The following HDGFL2 variants were observed in gnomAD, a reference collection of about 807,000 sequenced individuals.
The protein encoded by HDGFL2 is HDGF like 2, also known as hepatoma-derived growth factor-related protein 2.
HDGFL2 carries 36 observed loss-of-function variants against 77.1 expected under a neutral mutation model. That is an observed-to-expected ratio of 0.47 (90% confidence interval 0.36 to 0.62). HDGFL2 has a LOEUF of 0.62. Ranked by LOEUF, HDGFL2 falls within the 20% of genes least tolerant of loss-of-function variation. The probability of loss-of-function intolerance (pLI) is 0.00; values close to 1 mark genes in which losing one functional copy is unlikely to be tolerated. For missense variants in HDGFL2, 976 were observed against 973.4 expected, an observed-to-expected ratio of 1.00 and a Z score of -0.04; for synonymous variants, 463 against 413.1, an observed-to-expected ratio of 1.12 and a Z score of -1.46.
intron 9 of HDGFL2, 113 bp downstream of exon 9, chr19:4,494,588 G>A (rs1975652431): frequency 2.5e-6 from 2 of 792,720 alleles, no homozygotes; most frequent in East Asian, 6.8e-5. Flanking sequence ...AGCAGTGCGT[G>A]GGCCCAGAAA....
At chr19:4,473,241 G>A (rs976016923) in intron 1 of HDGFL2, among the ~76,000 whole-genome samples, 2 of 145,530 alleles carry the variant, frequency 1.4e-5, no homozygotes, top group African/African-American at 5.1e-5. Context: ...AAGGAGCTGC[G>A]GCGCCAATGG....
At chr19:4,487,328 C>T (rs1261038274) in intron 3 of HDGFL2, among the ~76,000 whole-genome samples, 1 of 152,012 alleles carries the variant, frequency 6.6e-6, no homozygotes, top group Admixed American at 6.6e-5. Flanking sequence ...GTGATCATAG[C>T]TCACTGAAAC....
At chr19:4,493,592 G>A in intron 6 of HDGFL2, 111 bp from the exon 7 acceptor site, 1 of 1,264,548 alleles carries the variant, frequency 7.9e-7, no homozygotes, top group Non-Finnish European at 1.0e-6. Flanking sequence ...CCTGAGCCGA[G>A]GCCCGCAGAG....
chr19:4,490,206 G>A (rs536066898), intron 4 of HDGFL2, among the ~76,000 whole-genome samples: 1 of 152,290 alleles, frequency 6.6e-6, no homozygotes, highest in East Asian at 1.9e-4. Flanking sequence ...TTTTGCCTCA[G>A]CCTCCTGAGT....
intron 7 of HDGFL2, 57 bp downstream of exon 7, chr19:4,493,919 G>T: frequency 6.5e-7 from 1 of 1,540,260 alleles, no homozygotes; most frequent in South Asian, 1.2e-5. Context: ...GCGCTCCCAG[G>T]CAGTCCCCTG....
chr19:4,502,130 TG>T lies in HDGFL2; in HGVS notation c.*123del, dbSNP rs1215610914. On this transcript the variant is annotated 3_prime_UTR_variant, in exon 16 of 16. Transcript: ENST00000616600. ...GCTGTGCTGTTTGTATTTGTTCCCT[TG>T]GGTTTTTTTTTCCTGCCTAATTTCT... 1.3e-6 allele frequency: 1 copy of T among 777,044 alleles called. No homozygotes were observed. Among genetic ancestry groups the T allele is most frequent in the Non-Finnish European group, 2.2e-6 (1 of 458,486 alleles). 48.1% of individuals were successfully genotyped at this position (777,044 alleles called of 1,614,324 possible).
chr19:4,491,758 C>T lies in HDGFL2; in HGVS notation c.607-6C>T. On this transcript the variant is annotated splice_region_variant and splice_polypyrimidine_tract_variant and intron_variant, in intron 5 of 15. Transcript: ENST00000616600. ...GGCCCCAGTTCAGCTCACTTCTCTC[C>T]CCCAGGACTTCACACCTGAGAAGAA... The T allele has an allele frequency of 6.2e-7, 1 of 1,613,994 alleles. No homozygotes were observed. Among genetic ancestry groups the T allele is most frequent in the East Asian group, 2.2e-5 (1 of 44,874 alleles).
intron 8 of HDGFL2, 32 bp downstream of exon 8, chr19:4,494,089 G>A (rs982850525): frequency 1.9e-6 from 3 of 1,549,916 alleles, no homozygotes; most frequent in African/African-American, 2.7e-5. Flanking sequence ...CCCTCTGGCG[G>A]CTCCTCCATC....
chr19:4,487,882 A>G (rs1975402692), intron 3 of HDGFL2, among the ~76,000 whole-genome samples: 1 of 151,680 alleles, frequency 6.6e-6, no homozygotes, highest in African/African-American at 2.4e-5. Context: ...CAGTGCCTGG[A>G]TGGTAGAAGC....
chr19:4,488,772 A>G lies in HDGFL2; in HGVS notation c.385A>G (p.Thr129Ala), dbSNP rs1975428636. The G allele has an allele frequency of 6.4e-7, 1 of 1,552,204 alleles. No individual in the cohort carries two copies. The highest frequency in any genetic ancestry group is 1.4e-5 in the African/African-American group (1 of 73,140). The change falls in exon 4 of 16, where the codon ACA becomes GCA. Residue 129 changes from threonine (T) to alanine (A), a missense_variant. Thr to Ala is a moderately conservative substitution (Grantham distance 58). This residue lies in a region of HDGFL2 where 567 missense variants were observed against 534.7 expected (regional missense o/e 1.06). Transcript: ENST00000616600. ...DDEDRGVMAV[T>A]AVTATAASDR... ...TGAGGACCGGGGGGTCATGGCCGTC[A>G]CAGCGGTAACCGCCACAGCTGCCAG...
intron 1 of HDGFL2, chr19:4,474,778 G>T: frequency 6.1e-6 from 1 of 162,992 alleles, no homozygotes; most frequent in Non-Finnish European, 1.3e-5. Context: ...CTCCTGTGGG[G>T]AGGTGACTGA....
chr19:4,484,438 AAG>A (rs1975306769), intron 3 of HDGFL2, among the ~76,000 whole-genome samples: 1 of 151,830 alleles, frequency 6.6e-6, no homozygotes, highest in South Asian at 2.1e-4. Context: ...TTAATCATTT[AAG>A]AGTATACCGT....
Position 4,502,205 on chromosome 19 carries a change from A to G in HDGFL2, c.*195A>G, listed in dbSNP as rs574669437. On this transcript the variant is annotated 3_prime_UTR_variant, in exon 16 of 16. Transcript: ENST00000616600. ...GACTATAAATGGTTTTTTAATGAAA[A>G]AAGAAATCACTTTTATTGGCTTGGT... The G allele has an allele frequency of 1.5e-6, 1 of 670,818 alleles. No homozygotes were observed. Among genetic ancestry groups the G allele is most frequent in the South Asian group, 1.6e-5 (1 of 61,344 alleles). 41.6% of individuals were successfully genotyped at this position (670,818 alleles called of 1,614,324 possible).
In HDGFL2 at chr19:4,494,381, A is replaced by T; in HGVS notation, c.1130A>T (p.Asp377Val). 1 of 1,401,624 alleles carries T rather than the reference A, an allele frequency of 7.1e-7. No individual in the cohort carries two copies. Among genetic ancestry groups the T allele is most frequent in the Non-Finnish European group, 9.2e-7 (1 of 1,082,218 alleles). 86.8% of individuals were successfully genotyped at this position (1,401,624 alleles called of 1,614,324 possible). Residue 377 changes from aspartate to valine, a missense_variant, in exon 9 of 16, where the codon GAC becomes GTC. Physicochemically the swap from Asp to Val is radical, Grantham distance 152. Coordinates refer to ENST00000616600, the MANE Select transcript of HDGFL2 (RefSeq NM_001001520.3). ...AGCAGCGGGGACGAGCTCAGGGAGG[A>T]CGATGAGCCCGTCAAGAAGCGGGGA... ...GGSSGDELRE[D>V]DEPVKKRGRK...
rs541516442 is a variant in HDGFL2, at chr19:4,493,622, C to T, written c.679-81C>T. The T allele has an allele frequency of 8.7e-5, 115 of 1,319,346 alleles. 1 individual carries two copies. Among genetic ancestry groups the T allele is most frequent in the South Asian group, 2.3e-5 (1 of 43,160 alleles). 81.7% of individuals were successfully genotyped at this position (1,319,346 alleles called of 1,614,324 possible). A position where few individuals can be genotyped will look rare whatever the true frequency, so the allele number is the denominator to read the frequency against. On this transcript the variant is annotated intron_variant, in intron 6 of 15. Coordinates refer to ENST00000616600, the MANE Select transcript of HDGFL2 (RefSeq NM_001001520.3). ...GCAGAGCCTGGCGGCTGCAGGGGTGCGGGAGCCTCCTCTGGCCTGGTGCGC... is the reference window on the plus strand; with the variant it reads ...GCAGAGCCTGGCGGCTGCAGGGGTGTGGGAGCCTCCTCTGGCCTGGTGCGC...
At chr19:4,498,952 G>A (rs576358791) in intron 13 of HDGFL2, 37 bp downstream of exon 13, 1 of 1,462,724 alleles carries the variant, frequency 6.8e-7, no homozygotes, top group African/African-American at 1.4e-5. Context: ...GGTGCAGTCG[G>A]GGGAGCTGGG....
In HDGFL2 at chr19:4,495,151, G is replaced by T. The variant is rs147946609; in HGVS notation, c.1224+676G>T. On this transcript the variant is annotated intron_variant, in intron 9 of 15. Coordinates refer to ENST00000616600, the MANE Select transcript of HDGFL2 (RefSeq NM_001001520.3). ...GCCTGTAATCCCAGCACTCTGGGAG[G>T]CCAAGGCGGGTGGATCACGAGGTGA... is the stretch of plus-strand genomic sequence containing the variant. Among the ~76,000 whole-genome samples, 155 of 152,244 alleles carry T rather than the reference G, an allele frequency of 1.0e-3. 1 individual carries two copies. The East Asian group carries it at 0.024, about 24-fold the overall frequency.
chr19:4,478,688 G>T (rs1481636160), intron 3 of HDGFL2, among the ~76,000 whole-genome samples: 3 of 143,246 alleles, frequency 2.1e-5, no homozygotes, highest in African/African-American at 2.5e-5. Flanking sequence ...TGGTTGGTTG[G>T]TTTTTTTTTT....
At chr19:4,476,931 G>T (rs757870267) in intron 3 of HDGFL2, among the ~76,000 whole-genome samples, 2 of 151,836 alleles carry the variant, frequency 1.3e-5, no homozygotes, top group East Asian at 2.0e-4. Context: ...AGCTGGGGGG[G>T]CATGAATTTG....
Sources: allele counts gnomAD v4.1 joint callset (sites outside exome capture counted in the v4.1 genomes callset), GRCh38; gene constraint gnomAD v4.1.1; regional missense constraint gnomAD v4.1.1; transcripts MANE v1.5; gene names NCBI Gene and HGNC (gene_info 2026-07-23, HGNC 2026-07-21).